Variants in ZC3H12B observed in about 807,000 individuals in gnomAD.
ZC3H12B encodes the protein zinc finger CCCH-type containing 12B.
A neutral mutation model predicts 43.9 loss-of-function variants in ZC3H12B; 7 were observed. That is an observed-to-expected ratio of 0.16 (90% CI 0.09 to 0.30). ZC3H12B has a LOEUF of 0.30. ZC3H12B is among the 10% of genes least tolerant of loss of function. ZC3H12B has a pLI of 1.00. For synonymous variants in ZC3H12B, 222 were observed against 241.7 expected (o/e 0.92, Z 0.76); for missense variants, 475 against 670.2 (o/e 0.71, Z 3.22).
chrX:65,379,387 G>C (rs927089531), intron 2 of ZC3H12B, among the ~76,000 whole-genome samples: 7 of 111,425 alleles, frequency 6.3e-5, no homozygotes, highest in Non-Finnish European at 1.1e-4. Flanking sequence ...CAGACCTGCA[G>C]CTGAGGGTCC....
chrX:65,308,497 A>G, the ZC3H12B span, among the ~76,000 whole-genome samples: 1 of 111,828 alleles, frequency 8.9e-6, no homozygotes, highest in Non-Finnish European at 1.9e-5. Context: ...GCAACTCCTT[A>G]GAGACCTACA....
At chrX:65,152,034 C>G in the ZC3H12B span, among the ~76,000 whole-genome samples, 1 of 111,808 alleles carries the variant, frequency 8.9e-6, no homozygotes, top group Non-Finnish European at 1.9e-5. Context: ...TTCAACAGCC[C>G]TTCATGCTAA....
At chrX:65,151,053 C>A in the ZC3H12B span, among the ~76,000 whole-genome samples, 2 of 111,943 alleles carry the variant, frequency 1.8e-5, no homozygotes, top group African/African-American at 3.2e-5. Flanking sequence ...TTTTTGACAT[C>A]AAAATTTAGT....
At chrX:65,493,297 C>T (rs918178653) in intron 1 of ZC3H12B, among the ~76,000 whole-genome samples, 2 of 109,235 alleles carry the variant, frequency 1.8e-5, no homozygotes, top group African/African-American at 3.3e-5. Context: ...ACAGGAGAAT[C>T]GCTTGAACCC....
chrX:65,237,773 G>A, the ZC3H12B span, among the ~76,000 whole-genome samples: 1 of 111,351 alleles, frequency 9.0e-6, no homozygotes, highest in African/African-American at 3.3e-5. Context: ...TTAACATGAA[G>A]TGATGTTGAA....
chrX:65,407,971 C>G, intron 3 of ZC3H12B: 1 of 952,706 alleles, frequency 1.0e-6, no homozygotes, highest in Non-Finnish European at 1.4e-6. Flanking sequence ...GGCCACCTCG[C>G]TCCCCGCTTC....
At chrX:65,184,350 C>T in the ZC3H12B span, among the ~76,000 whole-genome samples, 13 of 110,974 alleles carry the variant, frequency 1.2e-4, no homozygotes, top group Non-Finnish European at 1.9e-4. Context: ...TTACAGAGTC[C>T]TTTTGAAGAT....
the ZC3H12B span, among the ~76,000 whole-genome samples, chrX:65,161,385 G>A: frequency 9.0e-6 from 1 of 111,286 alleles, no homozygotes; most frequent in East Asian, 2.8e-4. Flanking sequence ...CATTATTATT[G>A]TGTGGGATTC....
At chrX:65,283,695 C>T in the ZC3H12B span, among the ~76,000 whole-genome samples, 6 of 111,597 alleles carry the variant, frequency 5.4e-5, no homozygotes, top group African/African-American at 1.6e-4. Context: ...AGATTCCACA[C>T]CCTTTCTGAC....
intron 3 of ZC3H12B, among the ~76,000 whole-genome samples, chrX:65,468,391 G>T (rs1602496044): frequency 9.0e-6 from 1 of 111,044 alleles, no homozygotes; most frequent in East Asian, 2.8e-4. Context: ...ATAATGTGAT[G>T]CTTCCAGATT....
chrX:65,243,353 G>A, the ZC3H12B span, among the ~76,000 whole-genome samples: 1 of 112,009 alleles, frequency 8.9e-6, no homozygotes. Flanking sequence ...TGACCAAGAA[G>A]TATATGAAAA....
At chrX:65,227,466 A>G in the ZC3H12B span, among the ~76,000 whole-genome samples, 1 of 111,057 alleles carries the variant, frequency 9.0e-6, no homozygotes, top group Admixed American at 9.6e-5. Flanking sequence ...CATCACAATT[A>G]AAAGAACTAG....
At chrX:65,396,894 G>A (rs1356522700) in intron 2 of ZC3H12B, among the ~76,000 whole-genome samples, 1 of 110,944 alleles carries the variant, frequency 9.0e-6, no homozygotes, top group Non-Finnish European at 1.9e-5. Context: ...TTCTGTATTG[G>A]GTACATATAT....
At chrX:65,280,487 G>A in the ZC3H12B span, among the ~76,000 whole-genome samples, 12 of 111,745 alleles carry the variant, frequency 1.1e-4, no homozygotes, top group Non-Finnish European at 1.9e-4. Flanking sequence ...ACTAGAACAA[G>A]ACAAAGATAC....
At chrX:65,375,644 C>T (rs2066336395) in intron 2 of ZC3H12B, among the ~76,000 whole-genome samples, 1 of 111,372 alleles carries the variant, frequency 9.0e-6, no homozygotes, top group African/African-American at 3.3e-5. Context: ...TTTGAGTCCC[C>T]CATTGTAGGC....
the ZC3H12B span, among the ~76,000 whole-genome samples, chrX:65,111,239 G>T: frequency 9.0e-6 from 1 of 110,771 alleles, no homozygotes; most frequent in Non-Finnish European, 1.9e-5. Context: ...GCCTTATTGC[G>T]GTGTCTGGAA....
At chrX:65,361,210 A>C in the ZC3H12B span, among the ~76,000 whole-genome samples, 2 of 112,395 alleles carry the variant, frequency 1.8e-5, no homozygotes, top group South Asian at 7.3e-4. Flanking sequence ...ATACATTTTG[A>C]CATTCTTGGA....
the ZC3H12B span, among the ~76,000 whole-genome samples, chrX:65,192,108 G>A: frequency 9.1e-6 from 1 of 109,489 alleles, no homozygotes; most frequent in Non-Finnish European, 1.9e-5. Context: ...TAGTTGAGCG[G>A]CTTTGAGTGA....
Position 65,375,526 on chromosome X carries a change from G to A in ZC3H12B, n.295+6528G>A, listed in dbSNP as rs1329026841. Among the ~76,000 whole-genome samples, 3 of 111,989 alleles carry A rather than the reference G, an allele frequency of 2.7e-5. No individual in the cohort carries two copies. The Admixed American group carries it at 2.8e-4, about 11-fold the overall frequency. ...GACAGCACAGCTCATGGCTGCGAAA[G>A]AGACACCTTTCTTCCACTTGTGGAA... On this transcript the variant is annotated intron_variant and non_coding_transcript_variant, in intron 2 of 5. Transcript: ENST00000617377.
Sources: allele counts gnomAD v4.1 joint callset (sites outside exome capture counted in the v4.1 genomes callset), GRCh38; gene constraint gnomAD v4.1.1; transcripts MANE v1.5; gene names NCBI Gene and HGNC (gene_info 2026-07-23, HGNC 2026-07-21).